The following FUCA1 variants were observed in gnomAD, a reference collection of about 807,000 sequenced individuals.
FUCA1 encodes tissue alpha-L-fucosidase.
In FUCA1, 52 loss-of-function variants were observed where a neutral mutation model predicts 56.8. The observed-to-expected ratio is 0.92, with a 90% CI of 0.73 to 1.15. FUCA1 has a LOEUF of 1.15. Ranked by LOEUF, FUCA1 falls within the 50% of genes most tolerant of loss-of-function variation. The probability of loss-of-function intolerance (pLI) is 0.00; values close to 1 mark genes in which losing one functional copy is unlikely to be tolerated. For synonymous variants in FUCA1, 230 were observed against 226.6 expected, an observed-to-expected ratio of 1.02 and a Z score of -0.14; for missense variants, 568 against 592.6, an observed-to-expected ratio of 0.96 and a Z score of 0.43.
At chr1:23,846,002 G>A in intron 7 of FUCA1, 72 bp downstream of exon 7, 1 of 1,508,636 alleles carries the variant, frequency 6.6e-7, no homozygotes, top group Non-Finnish European at 9.2e-7. Flanking sequence ...ACCTGGCAGG[G>A]AAGGAAGAAA....
At chr1:23,850,455 G>C (rs1267800202) in intron 5 of FUCA1, among the ~76,000 whole-genome samples, 1 of 151,510 alleles carries the variant, frequency 6.6e-6, no homozygotes, top group East Asian at 1.9e-4. Context: ...GTAATAATAT[G>C]TAACTTATTT....
chr1:23,856,226 G>A (rs1176532569), intron 4 of FUCA1, among the ~76,000 whole-genome samples: 1 of 152,168 alleles, frequency 6.6e-6, no homozygotes, highest in Non-Finnish European at 1.5e-5. Flanking sequence ...AAGTGACAGT[G>A]TGCCCAGACT....
intron 5 of FUCA1, among the ~76,000 whole-genome samples, chr1:23,852,452 TCTCC>T (rs1557508226): frequency 3.4e-5 from 5 of 146,316 alleles, no homozygotes; most frequent in Non-Finnish European, 7.4e-5. Context: ...CCCCTCTCCC[TCTCC>T]CTCTCCCCCC....
chr1:23,850,787 C>T (rs1347630353), intron 5 of FUCA1, among the ~76,000 whole-genome samples: 1 of 152,000 alleles, frequency 6.6e-6, no homozygotes, highest in African/African-American at 2.4e-5. Context: ...TGCCTGGCCA[C>T]TTATTTTTAT....
intron 7 of FUCA1, 51 bp from the exon 8 acceptor site, chr1:23,845,906 T>C (rs530615214): frequency 3.2e-5 from 52 of 1,609,278 alleles, no homozygotes; most frequent in Middle Eastern, 3.3e-4. Flanking sequence ...CTAATGAGTA[T>C]AGAATACAGG....
chr1:23,852,291 C>T (rs1324422286), intron 5 of FUCA1, among the ~76,000 whole-genome samples: 1 of 151,824 alleles, frequency 6.6e-6, no homozygotes, highest in Non-Finnish European at 1.5e-5. Flanking sequence ...TGTAGAGGTG[C>T]ACACCTGTAG....
rs1445543147 is a variant in FUCA1, at chr1:23,848,791, C to T, written c.1018G>A (p.Gly340Arg). ...SLGGNYLLNI[G>R]PTKDGLIVPI... Reference sequence around the variant, plus strand: ...ACAATCAGTCCATCTTTAGTTGGTCCAATGTTCAGAAGATAGTTGCCTCCC... The same window carrying T: ...ACAATCAGTCCATCTTTAGTTGGTCTAATGTTCAGAAGATAGTTGCCTCCC... The change falls in exon 6 of 8, where the codon GGA (glycine) becomes AGA (arginine). Residue 340 changes from glycine to arginine, a missense_variant. Physicochemically the swap from Gly to Arg is moderately radical, Grantham distance 125 (BLOSUM62 -2). Transcript: ENST00000374479. 6.2e-7 allele frequency: 1 copy of T among 1,614,012 alleles called. No homozygotes were observed. The highest frequency in any genetic ancestry group is 1.3e-5 in the African/African-American group (1 of 74,926).
intron 3 of FUCA1, among the ~76,000 whole-genome samples, chr1:23,862,064 G>A (rs1009775720): frequency 6.6e-6 from 1 of 152,128 alleles, no homozygotes; most frequent in African/African-American, 2.4e-5. Context: ...TAAAAGAGTG[G>A]GGATCTAAGA....
At chr1:23,851,427 T>TACAA (rs1557507704) in intron 5 of FUCA1, among the ~76,000 whole-genome samples, 6 of 141,498 alleles carry the variant, frequency 4.2e-5, no homozygotes, top group East Asian at 2.1e-4. Flanking sequence ...CATACATACA[T>TACAA]ACAAATAATC....
At chr1:23,851,845 C>G (rs1557507882) in intron 5 of FUCA1, among the ~76,000 whole-genome samples, 1 of 151,952 alleles carries the variant, frequency 6.6e-6, no homozygotes, top group Non-Finnish European at 1.5e-5. Context: ...ACATCACACA[C>G]CAGGGCTTGT....
At chr1:23,851,166 C>T (rs1019142108) in intron 5 of FUCA1, among the ~76,000 whole-genome samples, 2 of 152,026 alleles carry the variant, frequency 1.3e-5, no homozygotes, top group Non-Finnish European at 2.9e-5. Context: ...GAGTTCGAGA[C>T]AAGCCTGGCC....
chr1:23,863,382 G>T, intron 2 of FUCA1, 111 bp from the exon 3 acceptor site: 1 of 1,051,256 alleles, frequency 9.5e-7, no homozygotes, highest in East Asian at 2.6e-5. Flanking sequence ...ACTCATAAGA[G>T]CATATAGAGA....
Position 23,859,893 on chromosome 1 carries a change from C to T in FUCA1, c.673G>A (p.Asp225Asn), listed in dbSNP as rs1209314576. The stretch of plus-strand genomic sequence containing the variant: ...CACTCCCCATCAGACCAGATCAGAT[C>T]AGGTTTATAGCTGGAAGACATGTGA... ...LYDLVNSYKP[D>N]LIWSDGEWEC... The change falls in exon 4 of 8, where the codon GAT (aspartate) becomes AAT (asparagine). Residue 225 changes from aspartate (D) to asparagine (N), a missense_variant. Asp to Asn is a conservative substitution (Grantham distance 23). Coordinates refer to ENST00000374479, the MANE Select transcript of FUCA1 (RefSeq NM_000147.5). The T allele has an allele frequency of 1.9e-6, 3 of 1,607,748 alleles. No individual in the cohort carries two copies. The highest frequency in any genetic ancestry group is 8.5e-7 in the Non-Finnish European group (1 of 1,174,278).
At chr1:23,856,151 A>G (rs1639384799) in intron 4 of FUCA1, among the ~76,000 whole-genome samples, 1 of 152,132 alleles carries the variant, frequency 6.6e-6, no homozygotes, top group Non-Finnish European at 1.5e-5. Flanking sequence ...AACAAAACCA[A>G]CCAAACAAAC....
At chr1:23,857,775 C>G (rs1460558159) in intron 4 of FUCA1, among the ~76,000 whole-genome samples, 1 of 151,722 alleles carries the variant, frequency 6.6e-6, no homozygotes, top group Non-Finnish European at 1.5e-5. Context: ...TCACGCCATT[C>G]TCCTGCCTCA....
chr1:23,857,202 G>A (rs1322283435), intron 4 of FUCA1, among the ~76,000 whole-genome samples: 1 of 152,072 alleles, frequency 6.6e-6, no homozygotes, highest in East Asian at 1.9e-4. Context: ...TATACACCCT[G>A]AACATATATA....
At chr1:23,852,100 T>TAATAATAA (rs370893792) in intron 5 of FUCA1, among the ~76,000 whole-genome samples, 1 of 149,714 alleles carries the variant, frequency 6.7e-6, no homozygotes, top group African/African-American at 2.5e-5. Context: ...ATAATAATAA[T>TAATAATAA]AAAAAGTGGT....
At chr1:23,854,176 T>C (rs1175342724) in intron 5 of FUCA1, among the ~76,000 whole-genome samples, 184 bp downstream of exon 5, 1 of 151,978 alleles carries the variant, frequency 6.6e-6, no homozygotes, top group Non-Finnish European at 1.5e-5. Context: ...CATGCCCTTC[T>C]CCATCCCAGC....
rs1289777489 is a variant in FUCA1, at chr1:23,845,613, G to A, written c.*102C>T. 2 of 1,392,940 alleles carry A rather than the reference G, an allele frequency of 1.4e-6. No homozygotes were observed. The highest frequency in any genetic ancestry group is 1.0e-6 in the Non-Finnish European group (1 of 979,830). The allele number at this position is 1,392,940 out of a possible 1,614,324, so 86.3% of individuals were successfully genotyped here. On this transcript the variant is annotated 3_prime_UTR_variant, in exon 8 of 8. Coordinates refer to ENST00000374479, the MANE Select transcript of FUCA1 (RefSeq NM_000147.5). ...AAATGTGTTGGAAAAGCCATCTCTGGGTGGAGAAGAGAAGTTCGTTGATTA... is the reference window on the plus strand; with the variant it reads ...AAATGTGTTGGAAAAGCCATCTCTGAGTGGAGAAGAGAAGTTCGTTGATTA...
Sources: allele counts gnomAD v4.1 joint callset (sites outside exome capture counted in the v4.1 genomes callset), GRCh38; gene constraint gnomAD v4.1.1; transcripts MANE v1.5; gene names NCBI Gene and HGNC (gene_info 2026-07-23, HGNC 2026-07-21).